COL28A1: variants seen among roughly 807,000 people sequenced by gnomAD.
COL28A1 encodes collagen type XXVIII alpha 1 chain, also known as collagen alpha-1(XXVIII) chain.
COL28A1 carries 161 observed loss-of-function variants against 150.2 expected under a neutral mutation model. The ratio of observed to expected loss-of-function variants is 1.07; its 90% CI spans 0.94 to 1.22. The LOEUF (loss-of-function observed/expected upper bound fraction) is 1.22. Ranked by LOEUF, COL28A1 falls within the 50% of genes most tolerant of loss-of-function variation. The pLI, the probability that COL28A1 is intolerant of heterozygous loss-of-function variation, is 0.00. For missense variants in COL28A1, 1,617 were observed against 1,388.3 expected (o/e 1.16, Z -2.62); for synonymous variants, 552 against 469.7 (o/e 1.18, Z -2.26).
chr7:7,375,208 G>A (rs767253318), intron 31 of COL28A1, among the ~76,000 whole-genome samples: 3 of 152,272 alleles, frequency 2.0e-5, no homozygotes, highest in East Asian at 1.9e-4. Context: ...CAAAAGGCCC[G>A]GCTGCCTACA....
rs903189577 is a variant in COL28A1, at chr7:7,517,362, T to C, written c.855+434A>G. 5.3e-5 allele frequency among the ~76,000 whole-genome samples: 8 copies of C among 152,318 alleles called. No homozygotes were observed. The East Asian group carries it at 1.5e-3, about 29-fold the overall frequency. On this transcript the variant is annotated intron_variant, in intron 7 of 34. Transcript: ENST00000399429. ...AGTTCTTGGGCAATATCCACTATCT[T>C]CTAATTTGGGGTATAAGAAATCAAA...
chr7:7,448,859 T>C (rs1036912879), intron 18 of COL28A1, among the ~76,000 whole-genome samples: 1 of 152,052 alleles, frequency 6.6e-6, no homozygotes, highest in Non-Finnish European at 1.5e-5. Context: ...TCATATAGTA[T>C]ATAATTCCAT....
intron 13 of COL28A1, among the ~76,000 whole-genome samples, chr7:7,480,565 T>C (rs1472551509): frequency 6.6e-6 from 1 of 152,052 alleles, no homozygotes; most frequent in African/African-American, 2.4e-5. Context: ...AACACATACT[T>C]TAACAAAGAA....
At chr7:7,443,391 TA>T (rs1417330879) in intron 20 of COL28A1, among the ~76,000 whole-genome samples, 193 bp downstream of exon 20, 2 of 151,926 alleles carry the variant, frequency 1.3e-5, no homozygotes, top group Non-Finnish European at 2.9e-5. Context: ...GGTCTTACAA[TA>T]GACGTTAGGA....
intron 15 of COL28A1, among the ~76,000 whole-genome samples, chr7:7,473,829 A>C (rs909453070): frequency 3.3e-5 from 5 of 151,598 alleles, no homozygotes; most frequent in African/African-American, 1.2e-4. Context: ...ACTATGATAT[A>C]TATATTACAG....
At chr7:7,380,624 C>T (rs1781818559) in intron 30 of COL28A1, 36 bp downstream of exon 30, 1 of 1,598,228 alleles carries the variant, frequency 6.3e-7, no homozygotes, top group Non-Finnish European at 8.6e-7. Flanking sequence ...TTTGCAAGCA[C>T]AAAACCCTCA....
intron 27 of COL28A1, among the ~76,000 whole-genome samples, chr7:7,406,037 T>C (rs772269671): frequency 1.3e-5 from 2 of 152,166 alleles, no homozygotes; most frequent in African/African-American, 2.4e-5. Context: ...ATTGTGATCC[T>C]GCTGCTTTAT....
At chr7:7,454,648 C>T (rs1194405209) in intron 16 of COL28A1, among the ~76,000 whole-genome samples, 2 of 152,138 alleles carry the variant, frequency 1.3e-5, no homozygotes, top group African/African-American at 4.8e-5. Flanking sequence ...CCAGAATTCA[C>T]AGGCCATCTG....
intron 27 of COL28A1, among the ~76,000 whole-genome samples, chr7:7,392,674 T>C (rs1391777530): frequency 1.3e-5 from 2 of 152,246 alleles, no homozygotes; most frequent in African/African-American, 2.4e-5. Context: ...TGTTGGTTCC[T>C]TTTCATTCTT....
intron 22 of COL28A1, among the ~76,000 whole-genome samples, chr7:7,437,023 G>C (rs923765445): frequency 6.6e-6 from 1 of 152,240 alleles, no homozygotes; most frequent in African/African-American, 2.4e-5. Context: ...AGGGGAAAGA[G>C]TGAGACTGTC....
intron 25 of COL28A1, among the ~76,000 whole-genome samples, chr7:7,423,666 T>C (rs186371213): frequency 6.6e-6 from 1 of 152,202 alleles, no homozygotes; most frequent in African/African-American, 2.4e-5. Context: ...ATGATTTTTT[T>C]TGTGTGAGAA....
chr7:7,482,910 T>C (rs143215717), intron 13 of COL28A1, among the ~76,000 whole-genome samples: 205 of 152,260 alleles, frequency 1.3e-3, no homozygotes, highest in African/African-American at 4.5e-3. Flanking sequence ...CTGTCCTGAA[T>C]AGAAAAGTGT....
At chr7:7,506,101 T>A (rs781018959) in intron 10 of COL28A1, 34 bp from the exon 11 acceptor site, 11 of 1,032,770 alleles carry the variant, frequency 1.1e-5, no homozygotes, top group Non-Finnish European at 1.7e-5. Context: ...ATTAGTTCTG[T>A]GTACAAAAGG....
At chr7:7,412,576 C>T (rs1783850545) in intron 27 of COL28A1, among the ~76,000 whole-genome samples, 2 of 152,172 alleles carry the variant, frequency 1.3e-5, no homozygotes, top group East Asian at 1.9e-4. Flanking sequence ...AAACATTTTC[C>T]ATATATATAA....
At position 7,373,044 on chromosome 7, in the gene COL28A1, A is replaced by G; in HGVS notation, c.2862T>C (p.Thr954=). ...CAAACTGGTAAACATGCTCTGGGTCAGTAGCAATTAGATTCATTTCTTTGT... is the reference window on the plus strand; with the variant it reads ...CAAACTGGTAAACATGCTCTGGGTCGGTAGCAATTAGATTCATTTCTTTGT... ...IFHKEMNLIA[T]DPEHVYQFDD... The change falls in exon 32 of 35, where the codon ACT becomes ACC. Residue 954 remains threonine (T), a synonymous_variant. Transcript: ENST00000399429. The surrounding 1 kb of genome is among the most constrained non-coding windows in gnomAD (Gnocchi z 4.1). The G allele has an allele frequency of 6.2e-7, 1 of 1,614,202 alleles. No homozygotes were observed. The highest frequency in any genetic ancestry group is 8.5e-7 in the Non-Finnish European group (1 of 1,180,028).
chr7:7,341,622 T>G, the COL28A1 span, among the ~76,000 whole-genome samples: 2 of 152,092 alleles, frequency 1.3e-5, no homozygotes, highest in African/African-American at 4.8e-5. Context: ...TTTTACCACT[T>G]AAACTATCCT....
At chr7:7,404,188 G>C (rs532315057) in intron 27 of COL28A1, among the ~76,000 whole-genome samples, 1 of 152,170 alleles carries the variant, frequency 6.6e-6, no homozygotes, top group South Asian at 2.1e-4. Context: ...ATCAGTCAGT[G>C]AAAGACACAA....
chr7:7,377,702 G>A (rs1219765097), intron 30 of COL28A1, among the ~76,000 whole-genome samples: 1 of 151,530 alleles, frequency 6.6e-6, no homozygotes, highest in African/African-American at 2.4e-5. Context: ...TGGGCAGTGG[G>A]ACTCACATGA....
rs144004522 is a variant in COL28A1 at position 7,460,737 on chromosome 7, T to C, written c.1303-4625A>G. On this transcript the variant is annotated intron_variant, in intron 15 of 34. Transcript: ENST00000399429. Reference sequence around the variant, plus strand: ...ACTAAGAAGAAATGTCTTTCGATAATGTCTGGATTCAAAGCTGCTTTGCTG... The same window carrying C: ...ACTAAGAAGAAATGTCTTTCGATAACGTCTGGATTCAAAGCTGCTTTGCTG... Among the ~76,000 whole-genome samples, 705 of 152,332 alleles carry C rather than the reference T, an allele frequency of 4.6e-3. 5 individuals carry two copies. Among genetic ancestry groups the C allele is most frequent in the East Asian group, 0.022 (114 of 5,186 alleles).
Sources: gnomAD v4.1 joint callset for allele counts (sites outside exome capture counted in the v4.1 genomes callset) on GRCh38, gnomAD v4.1.1 for gene constraint, Gnocchi (gnomAD v3.1) non-coding constraint, MANE v1.5 for transcripts, NCBI Gene and HGNC (gene_info 2026-07-23, HGNC 2026-07-21) for gene names.